Variants in GFPT2 observed in about 807,000 individuals in gnomAD.
GFPT2 encodes the protein glutamine--fructose-6-phosphate transaminase 2, also known as glutamine--fructose-6-phosphate aminotransferase [isomerizing] 2.
In GFPT2, 62 loss-of-function variants were observed where a neutral mutation model predicts 85.6. The ratio of observed to expected loss-of-function variants is 0.72; its 90% CI spans 0.59 to 0.90. GFPT2 has a LOEUF of 0.90. Ranked by LOEUF, GFPT2 falls within the 40% of genes least tolerant of loss-of-function variation. GFPT2 has a pLI of 0.00. For missense variants in GFPT2, 788 were observed against 893.4 expected, an observed-to-expected ratio of 0.88 and a Z score of 1.50; for synonymous variants, 368 against 344.5, an observed-to-expected ratio of 1.07 and a Z score of -0.75.
chr5:180,303,184 G>T (rs2386853), intron 17 of GFPT2, among the ~76,000 whole-genome samples: 64,910 of 144,426 alleles, frequency 0.45, 14,976 homozygotes, highest in East Asian at 0.65. Context: ...GAGCCGAGAT[G>T]GCGCCACTGC....
chr5:180,316,427 G>A lies in GFPT2; in HGVS notation c.1187C>T (p.Pro396Leu). The A allele has an allele frequency of 8.7e-6, 14 of 1,614,024 alleles. No homozygotes were observed. Among genetic ancestry groups the A allele is most frequent in the Non-Finnish European group, 1.2e-5 (14 of 1,179,918 alleles). Residue 396 changes from proline to leucine, a missense_variant, in exon 13 of 19, where the codon CCT becomes CTT. Coordinates refer to ENST00000253778, the MANE Select transcript of GFPT2 (RefSeq NM_005110.4). ...ATCACTAGCAAGTTCAACCATCACA[G>A]GAAGCTCAGTCAGTTCCTCCAAAAC... ...RQVLEELTEL[P>L]VMVELASDFL...
At chr5:180,327,361 G>A (rs967097259) in intron 7 of GFPT2, among the ~76,000 whole-genome samples, 1 of 152,198 alleles carries the variant, frequency 6.6e-6, no homozygotes, top group Non-Finnish European at 1.5e-5. Flanking sequence ...GAACGCCTCC[G>A]TCCCACCAAT....
At chr5:180,319,316 C>CA (rs1234309959) in intron 9 of GFPT2, among the ~76,000 whole-genome samples, 4 of 152,196 alleles carry the variant, frequency 2.6e-5, no homozygotes, top group African/African-American at 4.8e-5. Context: ...CCAATAATCT[C>CA]ACGGCTGTCT....
intron 1 of GFPT2, among the ~76,000 whole-genome samples, chr5:180,351,463 T>C (rs1250655353): frequency 1.3e-5 from 2 of 150,448 alleles, no homozygotes; most frequent in Non-Finnish European, 1.5e-5. Flanking sequence ...CTGGGAATTC[T>C]GAGAAGGCAC....
intron 15 of GFPT2, among the ~76,000 whole-genome samples, chr5:180,308,028 A>G (rs1376072537): frequency 6.6e-6 from 1 of 151,914 alleles, no homozygotes; most frequent in African/African-American, 2.4e-5. Flanking sequence ...AGGCTGGGGC[A>G]GGCGGATCAC....
rs1042988234 is a variant in GFPT2 at position 180,311,103 on chromosome 5, G to A, written c.1546+1327C>T. Among the ~76,000 whole-genome samples, 4 of 152,290 alleles carry A rather than the reference G, an allele frequency of 2.6e-5. No individual in the cohort carries two copies. In the East Asian group the frequency reaches 7.8e-4, roughly 30 times the overall value. ...CCTGGAATTGACCATTCTCTATGAT[G>A]GCCCTTCCCCAACTGCCTGCTCTGG... is the stretch of plus-strand genomic sequence containing the variant. On this transcript the variant is annotated intron_variant, in intron 15 of 18. Transcript: ENST00000253778.
In GFPT2 at chr5:180,304,813, C is replaced by T. The variant is rs539000015; in HGVS notation, c.1801G>A (p.Ala601Thr). 20 of 1,613,808 alleles carry T rather than the reference C, an allele frequency of 1.2e-5. No individual in the cohort carries two copies. The highest frequency in any genetic ancestry group is 1.5e-5 in the Non-Finnish European group (18 of 1,179,870). The change falls in exon 17 of 19, where the codon GCC (alanine) becomes ACC (threonine). Residue 601 changes from alanine to threonine, a missense_variant. Transcript: ENST00000253778. ...IMVIMKDPCF[A>T]KCQNALQQVT... The stretch of plus-strand genomic sequence containing the variant: ...TGCTGCAGGGCGTTCTGGCATTTGG[C>T]GAAGCAAGGATCCTTCATAATGACC...
intron 3 of GFPT2, 91 bp from the exon 4 acceptor site, chr5:180,336,044 G>A (rs1764388493): frequency 7.0e-6 from 9 of 1,287,690 alleles, no homozygotes; most frequent in South Asian, 4.6e-5. Context: ...CCCAAGTCAC[G>A]TCACCCACAC....
In GFPT2 at chr5:180,315,424, C is replaced by T. The variant is rs576248034; in HGVS notation, c.1273+917G>A. ...CAATCTCCTGACCTCGTGATCCGCC[C>T]ACCTCAGCCTCCCAAAGTGCTGGGA... On this transcript the variant is annotated intron_variant, in intron 13 of 18. Transcript: ENST00000253778. Among the ~76,000 whole-genome samples the T allele has an allele frequency of 1.3e-4, 20 of 152,248 alleles. No homozygotes were observed. The South Asian group carries it at 3.9e-3, about 30-fold the overall frequency.
intron 9 of GFPT2, among the ~76,000 whole-genome samples, chr5:180,322,951 C>T (rs1485653761): frequency 1.3e-5 from 2 of 152,146 alleles, no homozygotes; most frequent in South Asian, 2.1e-4. Flanking sequence ...AGGAGAATCA[C>T]TTGAACCCAG....
Position 180,324,842 on chromosome 5 carries a change from T to G in GFPT2, c.650A>C (p.Glu217Ala). The G allele has an allele frequency of 6.2e-7, 1 of 1,610,704 alleles. No individual in the cohort carries two copies. Among genetic ancestry groups the G allele is most frequent in the Non-Finnish European group, 8.5e-7 (1 of 1,176,914 alleles). ...CGTCCTGTATAAGATAGGGATCTGTTCTGTGGAGAGCTTGTATTTGCTCCG... is the reference window on the plus strand; with the variant it reads ...CGTCCTGTATAAGATAGGGATCTGTGCTGTGGAGAGCTTGTATTTGCTCCG... ...GVRSKYKLST[E>A]QIPILYRTCT... The change falls in exon 8 of 19, where the codon GAA (glutamate) becomes GCA (alanine). Residue 217 changes from glutamate to alanine, a missense_variant. By Grantham distance (107) the Glu-to-Ala change is moderately radical (BLOSUM62 -1). Transcript: ENST00000253778.
At chr5:180,327,598 G>C (rs1764232364) in intron 7 of GFPT2, among the ~76,000 whole-genome samples, 1 of 152,214 alleles carries the variant, frequency 6.6e-6, no homozygotes. Flanking sequence ...GCCCTTCAAG[G>C]CAGGGACCAG....
chr5:180,332,241 G>C (rs535376183), intron 4 of GFPT2, among the ~76,000 whole-genome samples: 1 of 149,082 alleles, frequency 6.7e-6, no homozygotes, highest in Admixed American at 6.6e-5. Context: ...GAGGTGGCGG[G>C]GGGGCGGGGG....
At chr5:180,348,218 G>C (rs1036559897) in intron 1 of GFPT2, among the ~76,000 whole-genome samples, 1 of 152,260 alleles carries the variant, frequency 6.6e-6, no homozygotes, top group Non-Finnish European at 1.5e-5. Context: ...CAACAGAAGA[G>C]TACGGCCAGT....
At chr5:180,310,136 CTT>C (rs1415491151) in intron 15 of GFPT2, among the ~76,000 whole-genome samples, 1 of 148,368 alleles carries the variant, frequency 6.7e-6, no homozygotes, top group Non-Finnish European at 1.5e-5. Context: ...AAGTCTCGCT[CTT>C]GTCGCCCAGG....
chr5:180,337,019 C>T (rs990421967), intron 2 of GFPT2, among the ~76,000 whole-genome samples: 2 of 152,246 alleles, frequency 1.3e-5, no homozygotes, highest in African/African-American at 4.8e-5. Context: ...TTAAAACCAT[C>T]GGGCTCCCCC....
chr5:180,309,177 G>A (rs1395488158), intron 15 of GFPT2, among the ~76,000 whole-genome samples: 1 of 151,846 alleles, frequency 6.6e-6, no homozygotes, highest in East Asian at 2.0e-4. Context: ...CGGCCCTAGA[G>A]AAGTCTTTAA....
intron 6 of GFPT2, among the ~76,000 whole-genome samples, chr5:180,329,432 T>C (rs1490163628): frequency 6.6e-6 from 1 of 152,190 alleles, no homozygotes; most frequent in African/African-American, 2.4e-5. Context: ...AGTCTTAAGT[T>C]TAAAAGTGTC....
intron 17 of GFPT2, 64 bp downstream of exon 17, chr5:180,304,708 G>C: frequency 7.2e-7 from 1 of 1,381,484 alleles, no homozygotes; most frequent in Non-Finnish European, 1.0e-6. Context: ...GCAGACAGTG[G>C]TGAGGTGGGC....
Sources: gnomAD v4.1 joint callset for allele counts (sites outside exome capture counted in the v4.1 genomes callset) on GRCh38, gnomAD v4.1.1 for gene constraint, MANE v1.5 for transcripts, NCBI Gene and HGNC (gene_info 2026-07-23, HGNC 2026-07-21) for gene names.